Variants in NKAIN2 observed in about 807,000 individuals in gnomAD.
NKAIN2 encodes the protein sodium/potassium-transporting ATPase subunit beta-1-interacting protein 2.
Under a neutral mutation model 32.6 loss-of-function variants are expected in NKAIN2, and 14 were observed. That is an observed-to-expected ratio of 0.43 (90% CI 0.28 to 0.67). NKAIN2 has a LOEUF of 0.67. Among genes scored for constraint, NKAIN2 ranks in the 30% least tolerant of loss-of-function variants. NKAIN2 has a pLI of 0.17. For missense variants in NKAIN2, 198 were observed against 258.3 expected (o/e 0.77, Z 1.60); for synonymous variants, 80 against 87.2 (o/e 0.92, Z 0.46).
At chr6:124,302,087 C>A (rs1796313604) in intron 2 of NKAIN2, among the ~76,000 whole-genome samples, 1 of 152,136 alleles carries the variant, frequency 6.6e-6, no homozygotes, top group African/African-American at 2.4e-5. Context: ...GGGGCCACTT[C>A]CCCCATACTG....
chr6:124,542,978 G>C (rs1779964160), intron 3 of NKAIN2, among the ~76,000 whole-genome samples: 1 of 152,074 alleles, frequency 6.6e-6, no homozygotes, highest in Non-Finnish European at 1.5e-5. Context: ...AATACTACTA[G>C]ATTGGTCCCC....
chr6:124,154,701 T>A (rs1338586083), intron 1 of NKAIN2, among the ~76,000 whole-genome samples: 1 of 152,030 alleles, frequency 6.6e-6, no homozygotes. Context: ...GTTTCTTGAG[T>A]ATACGGAGCA....
intron 1 of NKAIN2, among the ~76,000 whole-genome samples, chr6:123,878,532 T>C (rs1773285195): frequency 6.6e-6 from 1 of 152,180 alleles, no homozygotes; most frequent in South Asian, 2.1e-4. Context: ...TTTCCTTTTT[T>C]TGGTTTACAT....
chr6:124,550,607 A>G (rs970679797), intron 3 of NKAIN2, among the ~76,000 whole-genome samples: 3 of 152,104 alleles, frequency 2.0e-5, no homozygotes, highest in Non-Finnish European at 4.4e-5. Context: ...GACTTTTAAG[A>G]TGAAAGGTAA....
chr6:124,040,126 G>A (rs1347049700), intron 1 of NKAIN2, among the ~76,000 whole-genome samples: 3 of 151,950 alleles, frequency 2.0e-5, no homozygotes, highest in Non-Finnish European at 2.9e-5. Flanking sequence ...TTTATTTACA[G>A]ATTTCCTGAA....
At chr6:123,915,430 T>A (rs1775438426) in intron 1 of NKAIN2, among the ~76,000 whole-genome samples, 1 of 152,176 alleles carries the variant, frequency 6.6e-6, no homozygotes, top group Non-Finnish European at 1.5e-5. Context: ...CTTTCTTGTC[T>A]ATTCCTGGAT....
chr6:124,725,543 G>T (rs1776239767), intron 4 of NKAIN2, among the ~76,000 whole-genome samples: 1 of 152,122 alleles, frequency 6.6e-6, no homozygotes. Flanking sequence ...AATATCATAT[G>T]CCAAGTTGTT....
At chr6:124,726,969 G>C (rs1776356530) in intron 4 of NKAIN2, among the ~76,000 whole-genome samples, 1 of 145,394 alleles carries the variant, frequency 6.9e-6, no homozygotes, top group Admixed American at 7.0e-5. Flanking sequence ...GATGGAAGAT[G>C]AAATGAATGA....
intron 1 of NKAIN2, among the ~76,000 whole-genome samples, chr6:124,231,400 T>C (rs144924083): frequency 1.3e-5 from 2 of 152,172 alleles, no homozygotes; most frequent in South Asian, 4.1e-4. Flanking sequence ...TGGGGGACTG[T>C]TGAGAAGGAA....
At chr6:124,395,508 C>T (rs1437669263) in intron 3 of NKAIN2, among the ~76,000 whole-genome samples, 1 of 151,926 alleles carries the variant, frequency 6.6e-6, no homozygotes, top group African/African-American at 2.4e-5. Flanking sequence ...TCTAGTTTTC[C>T]AAAAGAGATA....
In NKAIN2 at chr6:124,039,093, T is replaced by C. The variant is rs374601014; in HGVS notation, c.54+234839T>C. Among the ~76,000 whole-genome samples, 58 of 152,218 alleles carry C rather than the reference T, an allele frequency of 3.8e-4. No homozygotes were observed. In the East Asian group the frequency reaches 8.7e-3, roughly 23 times the overall value. On this transcript the variant is annotated intron_variant, in intron 1 of 6. Transcript: ENST00000368417. ...TTTTTAACATCTGTTTTAAAAAAAG[T>C]TTTATAGTATTTACCTAATTGGCAC... is the stretch of plus-strand genomic sequence containing the variant.
At chr6:123,923,476 T>G (rs1354518134) in intron 1 of NKAIN2, among the ~76,000 whole-genome samples, 1 of 152,058 alleles carries the variant, frequency 6.6e-6, no homozygotes, top group Non-Finnish European at 1.5e-5. Flanking sequence ...CATATCCTTA[T>G]ACATCTGACC....
chr6:124,174,729 T>C (rs1028377368), intron 1 of NKAIN2, among the ~76,000 whole-genome samples: 3 of 152,282 alleles, frequency 2.0e-5, no homozygotes, highest in African/African-American at 7.2e-5. Flanking sequence ...TCATATTTCA[T>C]TGGCCAGAAT....
chr6:124,585,198 T>C (rs1781669283), intron 3 of NKAIN2, among the ~76,000 whole-genome samples: 1 of 152,156 alleles, frequency 6.6e-6, no homozygotes, highest in Non-Finnish European at 1.5e-5. Context: ...AAGTAAAATA[T>C]GCAGGCACAG....
At chr6:124,224,888 A>G (rs1013491877) in intron 1 of NKAIN2, among the ~76,000 whole-genome samples, 1 of 152,046 alleles carries the variant, frequency 6.6e-6, no homozygotes, top group African/African-American at 2.4e-5. Flanking sequence ...GTGGCTATTT[A>G]TTGAACAGGA....
rs189403541 is a variant in NKAIN2, at chr6:124,361,797, T to C, written c.273+6450T>C. On this transcript the variant is annotated intron_variant, in intron 3 of 6. Transcript: ENST00000368417. Reference sequence around the variant, plus strand: ...AAAAGTTGTCATATACTGTAGACTATAGGGAACAAATCCTTAAAACCAGAT... The same window carrying C: ...AAAAGTTGTCATATACTGTAGACTACAGGGAACAAATCCTTAAAACCAGAT... Among the ~76,000 whole-genome samples the C allele has an allele frequency of 2.2e-4, 33 of 152,236 alleles. No homozygotes were observed. In the East Asian group the frequency reaches 5.6e-3, roughly 26 times the overall value.
intron 1 of NKAIN2, among the ~76,000 whole-genome samples, chr6:123,887,718 T>C (rs1773792694): frequency 6.6e-6 from 1 of 152,052 alleles, no homozygotes; most frequent in Non-Finnish European, 1.5e-5. Flanking sequence ...GTCCAGAAAA[T>C]TTATGGAAAT....
rs143659087 is a variant in NKAIN2, at chr6:124,229,835, A to G, written c.55-53170A>G. On this transcript the variant is annotated intron_variant, in intron 1 of 6. Transcript: ENST00000368417. Reference sequence around the variant, plus strand: ...GCCTCCCAGCCACGTGGAACTGTTAAGTCTGTTAAATCTCTTTTTCTTCCC... The same window carrying G: ...GCCTCCCAGCCACGTGGAACTGTTAGGTCTGTTAAATCTCTTTTTCTTCCC... Among the ~76,000 whole-genome samples, 13 of 152,246 alleles carry G rather than the reference A, an allele frequency of 8.5e-5. No individual in the cohort carries two copies. The East Asian group carries it at 2.5e-3, about 29-fold the overall frequency.
chr6:124,431,223 T>A (rs760006450), intron 3 of NKAIN2, among the ~76,000 whole-genome samples: 31 of 152,268 alleles, frequency 2.0e-4, no homozygotes, highest in Middle Eastern at 3.4e-3. Flanking sequence ...TTTGATGGAA[T>A]AACTGATTTT....
Sources: allele counts gnomAD v4.1 joint callset (sites outside exome capture counted in the v4.1 genomes callset), GRCh38; gene constraint gnomAD v4.1.1; transcripts MANE v1.5; gene names NCBI Gene and HGNC (gene_info 2026-07-23, HGNC 2026-07-21).